ABCC6: variants seen among roughly 807,000 people sequenced by gnomAD.
The protein encoded by ABCC6 is ATP binding cassette subfamily C member 6.
Under a neutral mutation model 169.5 loss-of-function variants are expected in ABCC6, and 126 were observed. That is an observed-to-expected ratio of 0.74 (90% CI 0.64 to 0.86). The LOEUF (loss-of-function observed/expected upper bound fraction) is 0.86, where lower values mean the gene tolerates loss of function less well. ABCC6 is among the 40% of genes least tolerant of loss of function. The pLI is 0.00. For synonymous variants in ABCC6, 752 were observed against 814.7 expected (o/e 0.92, Z 1.31); for missense variants, 1,733 against 1,927.2 (o/e 0.90, Z 1.89).
rs2047503975 is a variant in ABCC6, at chr16:16,182,354, C to T, written c.2247+58G>A. The stretch of plus-strand genomic sequence containing the variant: ...CATACTGCCCATGATGAGTCGGGGA[C>T]CCAAATGACTCCCAACTGCAATGTC... On this transcript the variant is annotated intron_variant, in intron 17 of 30. Transcript: ENST00000205557. 6 of 1,599,624 alleles carry T rather than the reference C, an allele frequency of 3.8e-6. No individual in the cohort carries two copies. The Admixed American group carries it at 8.3e-5, about 22-fold the overall frequency.
chr16:16,186,292 G>A (rs1455203822), intron 14 of ABCC6, among the ~76,000 whole-genome samples: 1 of 152,114 alleles, frequency 6.6e-6, no homozygotes, highest in African/African-American at 2.4e-5. Flanking sequence ...TGATCAAAAT[G>A]CTGTCATGCT....
In ABCC6 at chr16:16,157,806, G is replaced by A. The variant is rs199694536; in HGVS notation, c.3739C>T (p.Pro1247Ser). The A allele has an allele frequency of 1.1e-5, 17 of 1,610,316 alleles. No homozygotes were observed. Among genetic ancestry groups the A allele is most frequent in the African/African-American group, 1.3e-5 (1 of 74,882 alleles). Residue 1247 changes from proline to serine, a missense_variant, in exon 27 of 31, where the codon CCC becomes TCC. Coordinates refer to ENST00000205557, the MANE Select transcript of ABCC6 (RefSeq NM_001171.6). ...QDYAWTPKEA[P>S]WRLPTCAAQP... is the part of the protein sequence containing the mutation. The stretch of plus-strand genomic sequence containing the variant: ...GCTGCACATGTGGGCAGCCTCCAGG[G>A]AGCCTGGAGCAGGAGGGGAAACTGA...
At chr16:16,173,032 C>T (rs2047163822) in intron 21 of ABCC6, 2 of 552,598 alleles carry the variant, frequency 3.6e-6, no homozygotes, top group African/African-American at 1.9e-5. Context: ...AGTGAGCGAG[C>T]CACTTTCTCA....
At chr16:16,168,303 CAA>C (rs2046945455) in intron 22 of ABCC6, among the ~76,000 whole-genome samples, 7 of 152,104 alleles carry the variant, frequency 4.6e-5, no homozygotes, top group African/African-American at 9.7e-5. Flanking sequence ...CCAGCCTGGG[CAA>C]CACGGCGAAA....
At position 16,163,091 on chromosome 16, in the gene ABCC6, C is replaced by G; in HGVS notation, c.3408G>C (p.Val1136=). The G allele has an allele frequency of 6.2e-7, 1 of 1,613,904 alleles. No homozygotes were observed. Among genetic ancestry groups the G allele is most frequent in the Non-Finnish European group, 8.5e-7 (1 of 1,180,038 alleles). Residue 1136 remains valine (V), a synonymous_variant, in exon 24 of 31, where the codon GTG becomes GTC. Coordinates refer to ENST00000205557, the MANE Select transcript of ABCC6 (RefSeq NM_001171.6). The part of the protein sequence containing the change: ...HMAETFQGST[V]VRAFRTQAPF... ...GGGCCTGGGTTCGGAATGCCCGGAC[C>G]ACTGTGCTGCCCTGGAACGTCTCAG...
rs143181260 is a variant in ABCC6 at position 16,154,829 on chromosome 16, C to T, written c.4042-35G>A. ...AGGGGCGGTGGGTCAGAGCCGGGTC[C>T]CACCATGCCTCCCATCTTTGCCCAC... is the stretch of plus-strand genomic sequence containing the variant. On this transcript the variant is annotated intron_variant, in intron 28 of 30. Coordinates refer to ENST00000205557, the MANE Select transcript of ABCC6 (RefSeq NM_001171.6). The T allele has an allele frequency of 2.7e-4, 427 of 1,609,462 alleles. 3 individuals are homozygous for T. The African/African-American group carries it at 5.0e-3, about 19-fold the overall frequency.
In ABCC6 at chr16:16,221,565, A is replaced by G. The variant is rs772957746; in HGVS notation, c.219+84T>C. ...TTCTACACCCCGATAGGAGGAGTCT[A>G]CTTTAAGACTTCACCAGGTTCCAGC... On this transcript the variant is annotated intron_variant, in intron 2 of 30. Transcript: ENST00000205557. 3.5e-5 allele frequency: 54 copies of G among 1,558,888 alleles called. No individual in the cohort carries two copies. In the South Asian group the frequency reaches 5.8e-4, roughly 17 times the overall value.
Position 16,161,518 on chromosome 16 carries a change from C to T in ABCC6, c.3553G>A (p.Ala1185Thr). 6.2e-7 allele frequency: 1 copy of T among 1,613,978 alleles called. No individual in the cohort carries two copies. The highest frequency in any genetic ancestry group is 1.1e-5 in the South Asian group (1 of 91,080). The change falls in exon 25 of 31, where the codon GCA (alanine) becomes ACA (threonine). Residue 1185 changes from alanine to threonine, a missense_variant. Coordinates refer to ENST00000205557, the MANE Select transcript of ABCC6 (RefSeq NM_001171.6). ...CTCAGCACAGCACACGTGGCAGCTGCAAACACCAGGCCATTCCCCAGGAGC... is the reference window on the plus strand; with the variant it reads ...CTCAGCACAGCACACGTGGCAGCTGTAAACACCAGGCCATTCCCCAGGAGC... ...VELLGNGLVF[A>T]AATCAVLSKA...
At chr16:16,217,983 G>A (rs2048943174) in intron 4 of ABCC6, among the ~76,000 whole-genome samples, 1 of 152,176 alleles carries the variant, frequency 6.6e-6, no homozygotes, top group Non-Finnish European at 1.5e-5. Flanking sequence ...CCAGCTACTT[G>A]GGAGGCTGAG....
intron 7 of ABCC6, among the ~76,000 whole-genome samples, chr16:16,206,907 C>T (rs1284030042): frequency 5.3e-5 from 8 of 152,158 alleles, no homozygotes; most frequent in African/African-American, 1.9e-4. Flanking sequence ...GAGGCCAAGG[C>T]AGGCAGATCC....
chr16:16,191,378 AGTGCTGGGATTACAG>A (rs1296813007), intron 11 of ABCC6, among the ~76,000 whole-genome samples: 1 of 152,004 alleles, frequency 6.6e-6, no homozygotes, highest in African/African-American at 2.4e-5. Flanking sequence ...GGCCTCCCAA[AGTGCTGGGATTACAG>A]GTGTGGCCTC....
At chr16:16,168,435 G>A (rs1446591641) in intron 22 of ABCC6, among the ~76,000 whole-genome samples, 1 of 152,174 alleles carries the variant, frequency 6.6e-6, no homozygotes, top group Non-Finnish European at 1.5e-5. Context: ...GCAGTGAGCC[G>A]AGTTCGTGCC....
intron 9 of ABCC6, among the ~76,000 whole-genome samples, chr16:16,198,771 A>T (rs1257447168): frequency 6.6e-6 from 1 of 151,296 alleles, no homozygotes; most frequent in African/African-American, 2.4e-5. Context: ...AGGTGGACAG[A>T]TCACCTGAGG....
At chr16:16,187,374 C>G (rs372504577) in intron 13 of ABCC6, among the ~76,000 whole-genome samples, 163 bp from the exon 14 acceptor site, 2 of 152,186 alleles carry the variant, frequency 1.3e-5, no homozygotes, top group Non-Finnish European at 2.9e-5. Context: ...CGATGCAACC[C>G]GAGTGGTGAC....
chr16:16,169,136 G>A (rs1198458481), intron 22 of ABCC6, among the ~76,000 whole-genome samples: 2 of 152,154 alleles, frequency 1.3e-5, no homozygotes, highest in Admixed American at 6.5e-5. Context: ...ATGGATTGAT[G>A]GGTGTCAGGA....
intron 6 of ABCC6, among the ~76,000 whole-genome samples, chr16:16,209,331 G>T (rs2048514389): frequency 2.0e-5 from 3 of 152,054 alleles, no homozygotes; most frequent in Admixed American, 2.0e-4. Flanking sequence ...TGATCCACCT[G>T]CCTCAGCCTC....
At chr16:16,220,851 C>T (rs1441182001) in intron 2 of ABCC6, among the ~76,000 whole-genome samples, 2 of 151,126 alleles carry the variant, frequency 1.3e-5, no homozygotes, top group East Asian at 2.0e-4. Flanking sequence ...GAGCCGAGAT[C>T]GCACCATTGC....
intron 13 of ABCC6, among the ~76,000 whole-genome samples, chr16:16,187,752 G>A (rs952884444): frequency 3.9e-5 from 6 of 151,940 alleles, no homozygotes; most frequent in Non-Finnish European, 5.9e-5. Flanking sequence ...AAAATTAGCC[G>A]GATGTGGTGG....
At chr16:16,188,475 A>G (rs1234155432) in intron 13 of ABCC6, among the ~76,000 whole-genome samples, 1 of 152,208 alleles carries the variant, frequency 6.6e-6, no homozygotes, top group Non-Finnish European at 1.5e-5. Context: ...CACCATGCTG[A>G]AAGGACTAGA....
Sources: allele counts gnomAD v4.1 joint callset (sites outside exome capture counted in the v4.1 genomes callset), GRCh38; gene constraint gnomAD v4.1.1; transcripts MANE v1.5; gene names NCBI Gene and HGNC (gene_info 2026-07-23, HGNC 2026-07-21).